The following LRP2 variants were observed in gnomAD, a reference collection of about 807,000 sequenced individuals.
LRP2 encodes the protein low-density lipoprotein receptor-related protein 2.
In LRP2, 172 loss-of-function variants were observed where a neutral mutation model predicts 531.0. The ratio of observed to expected loss-of-function variants is 0.32; its 90% CI spans 0.29 to 0.37. LRP2 has a LOEUF of 0.37. Among genes scored for constraint, LRP2 ranks in the 10% least tolerant of loss-of-function variants. The pLI is 1.00. For missense variants in LRP2, 5,167 were observed against 5,868.3 expected, an observed-to-expected ratio of 0.88 and a Z score of 3.90; for synonymous variants, 1,992 against 2,027.6, an observed-to-expected ratio of 0.98 and a Z score of 0.47.
intron 1 of LRP2, among the ~76,000 whole-genome samples, chr2:169,345,333 G>A (rs831037): frequency 0.42 from 63,250 of 151,964 alleles, 14,112 homozygotes; most frequent in African/African-American, 0.58. Flanking sequence ...CTCCGTTATA[G>A]TAAAGGAAAG....
intron 7 of LRP2, among the ~76,000 whole-genome samples, chr2:169,291,567 A>G (rs1458909155): frequency 2.0e-5 from 3 of 152,218 alleles, no homozygotes; most frequent in Non-Finnish European, 4.4e-5. Context: ...AGTAACTGCT[A>G]AATTGTTGGA....
In LRP2 at chr2:169,231,718, C is replaced by T. The variant is rs1689411268; in HGVS notation, c.5223G>A (p.Leu1741=). The T allele has an allele frequency of 1.9e-6, 3 of 1,613,836 alleles. No individual in the cohort carries two copies. The highest frequency in any genetic ancestry group is 3.3e-5 in the Admixed American group (2 of 59,994). The change falls in exon 31 of 79, where the codon TTG becomes TTA. Residue 1741 remains leucine (L), a synonymous_variant. Coordinates refer to ENST00000649046, the MANE Select transcript of LRP2 (RefSeq NM_004525.3). ...WSLSPDLLNC[L]RDDQPFLITV... ...CACATAAGGAGCATACTATACCTCT[C>T]AAGCAATTCAGGAGATCAGGAGACA... is the stretch of plus-strand genomic sequence containing the variant.
At chr2:169,192,955 T>G (rs1455103808) in intron 47 of LRP2, among the ~76,000 whole-genome samples, 1 of 152,174 alleles carries the variant, frequency 6.6e-6, no homozygotes, top group Non-Finnish European at 1.5e-5. Context: ...TAGAAAGACA[T>G]TATTCTAACA....
chr2:169,268,300 AC>A (rs1203561407), intron 16 of LRP2, among the ~76,000 whole-genome samples: 2 of 152,118 alleles, frequency 1.3e-5, no homozygotes, highest in African/African-American at 4.8e-5. Context: ...CAGAGACACA[AC>A]AAAAAAAGAG....
At chr2:169,287,330 C>T (rs1172668945) in intron 9 of LRP2, among the ~76,000 whole-genome samples, 1 of 152,018 alleles carries the variant, frequency 6.6e-6, no homozygotes, top group Non-Finnish European at 1.5e-5. Flanking sequence ...TCACTTAAGT[C>T]ACTTGATCTT....
In LRP2 at chr2:169,294,261, G is replaced by A. The variant is rs767020002; in HGVS notation, c.539C>T (p.Thr180Ile). The change falls in exon 6 of 79, where the codon ACT (threonine) becomes ATT (isoleucine). Residue 180 changes from threonine (T) to isoleucine (I), a missense_variant and splice_region_variant. Around this residue, in one of 6 missense-constraint regions of LRP2, gnomAD observed 2,811 missense variants for 3,058.0 expected, o/e 0.92. Transcript: ENST00000649046. ...CRDSSDEINC[T>I]EICLHNEFSC... ...AAACTCATTGTGCAAGCATATCTCA[G>A]CTGCAACAGAAAGTTAAGAAGGGAA... The A allele has an allele frequency of 1.9e-6, 3 of 1,561,818 alleles. No individual in the cohort carries two copies. Among genetic ancestry groups the A allele is most frequent in the Non-Finnish European group, 2.6e-6 (3 of 1,132,366 alleles).
intron 76 of LRP2, among the ~76,000 whole-genome samples, chr2:169,135,423 G>C (rs961679199): frequency 6.6e-6 from 1 of 152,124 alleles, no homozygotes; most frequent in Non-Finnish European, 1.5e-5. Flanking sequence ...AGTCCACTGC[G>C]GTCATTTCTT....
At chr2:169,148,889 CT>C (rs1452458441) in intron 68 of LRP2, among the ~76,000 whole-genome samples, 25 of 152,302 alleles carry the variant, frequency 1.6e-4, no homozygotes, top group African/African-American at 6.0e-4. Context: ...CCTTCTCACT[CT>C]CACCCACATT....
At chr2:169,320,661 G>A in intron 2 of LRP2, 116 bp downstream of exon 2, 1 of 825,200 alleles carries the variant, frequency 1.2e-6, no homozygotes. Context: ...AAAGACTTGG[G>A]CCCAGACCTG....
chr2:169,317,639 C>A (rs1335311292), intron 3 of LRP2, among the ~76,000 whole-genome samples: 3 of 152,124 alleles, frequency 2.0e-5, no homozygotes, highest in African/African-American at 7.2e-5. Flanking sequence ...TCTTTCCTTG[C>A]AGCCAAAAAC....
At chr2:169,315,577 T>C (rs911186113) in intron 3 of LRP2, among the ~76,000 whole-genome samples, 4 of 152,112 alleles carry the variant, frequency 2.6e-5, no homozygotes, top group African/African-American at 9.7e-5. Context: ...TGTGCCCAAG[T>C]GGCCACTTCA....
intron 16 of LRP2, among the ~76,000 whole-genome samples, chr2:169,269,530 C>G (rs1282730737): frequency 6.6e-6 from 1 of 152,058 alleles, no homozygotes; most frequent in Non-Finnish European, 1.5e-5. Context: ...ATAAATGGTA[C>G]TGGGAAAACT....
rs375138694 is a variant in LRP2, at chr2:169,146,890, G to A, written c.12660C>T (p.Arg4220=). The part of the protein sequence containing the change: ...IESAWMNGED[R]NILVFEDLGW... ...CAAGGTCCTCGAAAACCAGGATGTT[G>A]CGGTCCTCTCCATTCATCCAGGCAG... The change falls in exon 69 of 79, where the codon CGC becomes CGT. Residue 4220 remains arginine, a synonymous_variant. Transcript: ENST00000649046. The A allele has an allele frequency of 6.2e-7, 1 of 1,614,084 alleles. No homozygotes were observed. Among genetic ancestry groups the A allele is most frequent in the African/African-American group, 1.3e-5 (1 of 75,028 alleles).
chr2:169,247,505 A>C lies in LRP2; in HGVS notation c.2781T>G (p.Phe927Leu), dbSNP rs2105395056. ...FGLAIFGEHL[F>L]FTDWRLGAII... ...TGGCACCCAGTCTCCAGTCAGTAAA[A>C]AATAAATGCTCTGAAAAGAAACATG... The change falls in exon 20 of 79, where the codon TTT (phenylalanine) becomes TTG (leucine). Residue 927 changes from phenylalanine to leucine, a missense_variant. Physicochemically the swap from Phe to Leu is conservative, Grantham distance 22 (BLOSUM62 0). Around this residue, in one of 6 missense-constraint regions of LRP2, gnomAD observed 2,811 missense variants for 3,058.0 expected, o/e 0.92. Coordinates refer to ENST00000649046, the MANE Select transcript of LRP2 (RefSeq NM_004525.3). 2 of 1,614,166 alleles carry C rather than the reference A, an allele frequency of 1.2e-6. No individual in the cohort carries two copies. Among genetic ancestry groups the C allele is most frequent in the Non-Finnish European group, 8.5e-7 (1 of 1,180,012 alleles).
Position 169,206,625 on chromosome 2 carries a change from G to C in LRP2, c.7095C>G (p.Thr2365=), listed in dbSNP as rs1381707289. 2 of 1,613,948 alleles carry C rather than the reference G, an allele frequency of 1.2e-6. No individual in the cohort carries two copies. The highest frequency in any genetic ancestry group is 2.7e-5 in the African/African-American group (2 of 74,898). ...TCCCAAAGGCACAGTCACATTTTGGGGTGTGCAATCCAGGCAGAGCAAAGC... is the reference window on the plus strand; with the variant it reads ...TCCCAAAGGCACAGTCACATTTTGGCGTGTGCAATCCAGGCAGAGCAAAGC... The part of the protein sequence containing the change: ...HLCFALPGLH[T]PKCDCAFGTL... The change falls in exon 39 of 79, where the codon ACC becomes ACG. Residue 2365 remains threonine (T), a synonymous_variant. Coordinates refer to ENST00000649046, the MANE Select transcript of LRP2 (RefSeq NM_004525.3).
intron 16 of LRP2, among the ~76,000 whole-genome samples, chr2:169,260,182 A>T (rs1690488668): frequency 6.6e-6 from 1 of 152,118 alleles, no homozygotes; most frequent in Admixed American, 6.6e-5. Flanking sequence ...CCTCAAGGTA[A>T]TTCATAGTGA....
Position 169,173,192 on chromosome 2 carries a change from C to T in LRP2, c.11047G>A (p.Glu3683Lys). ...SSAHLCDNFTEFSCKTNYRCI... is the reference protein window; with the variant it reads ...SSAHLCDNFTKFSCKTNYRCI... ...CGGTAATTTGTTTTGCAGCTGAATT[C>T]TGTGAAGTTGTCACAGAGATGGGCA... is the stretch of plus-strand genomic sequence containing the variant. Residue 3683 changes from glutamate (E) to lysine (K), a missense_variant, in exon 57 of 79, where the codon GAA (glutamate) becomes AAA (lysine). This residue lies in a region of LRP2 where 311 missense variants were observed against 309.4 expected (regional missense o/e 1.01). Coordinates refer to ENST00000649046, the MANE Select transcript of LRP2 (RefSeq NM_004525.3). 6.2e-7 allele frequency: 1 copy of T among 1,614,182 alleles called. No homozygotes were observed. The highest frequency in any genetic ancestry group is 8.5e-7 in the Non-Finnish European group (1 of 1,180,040).
intron 52 of LRP2, among the ~76,000 whole-genome samples, chr2:169,179,792 G>A (rs1687358764): frequency 8.2e-6 from 1 of 121,304 alleles, no homozygotes. Flanking sequence ...AGATGTACAA[G>A]GAATCAATTG....
intron 1 of LRP2, among the ~76,000 whole-genome samples, chr2:169,337,465 ACAGT>A (rs1685437014): frequency 6.6e-6 from 1 of 152,190 alleles, no homozygotes; most frequent in South Asian, 2.1e-4. Context: ...CAGCCCAAAT[ACAGT>A]CAAAGGGCTT....
Sources: allele counts gnomAD v4.1 joint callset (sites outside exome capture counted in the v4.1 genomes callset), GRCh38; gene constraint gnomAD v4.1.1; regional missense constraint gnomAD v4.1.1; transcripts MANE v1.5; gene names NCBI Gene and HGNC (gene_info 2026-07-23, HGNC 2026-07-21).